Variants in GTPBP1 observed in about 807,000 individuals in gnomAD.
GTPBP1 encodes the protein GTP-binding protein 1.
GTPBP1 carries 23 observed loss-of-function variants against 62.0 expected under a neutral mutation model. The ratio of observed to expected loss-of-function variants is 0.37; its 90% CI spans 0.27 to 0.53. GTPBP1 has a LOEUF of 0.53. Among genes scored for constraint, GTPBP1 ranks in the 20% least tolerant of loss-of-function variants. GTPBP1 has a pLI of 0.89. For synonymous variants in GTPBP1, 344 were observed against 364.4 expected (o/e 0.94, Z 0.64); for missense variants, 640 against 917.3 (o/e 0.70, Z 3.90).
At chr22:38,722,827 A>G in intron 5 of GTPBP1, 1 of 1,576,404 alleles carries the variant, frequency 6.3e-7, no homozygotes, top group South Asian at 1.1e-5. Context: ...TTTGCTGGGC[A>G]GACTTCTCCA....
intron 4 of GTPBP1, among the ~76,000 whole-genome samples, chr22:38,718,167 C>G (rs2092680983): frequency 6.6e-6 from 1 of 152,178 alleles, no homozygotes; most frequent in South Asian, 2.1e-4. Context: ...CCATGACCAG[C>G]TTCTTGACTG....
chr22:38,715,639 G>A (rs2092665447), intron 2 of GTPBP1, among the ~76,000 whole-genome samples: 1 of 152,198 alleles, frequency 6.6e-6, no homozygotes, highest in South Asian at 2.1e-4. Context: ...TACCCAGCAT[G>A]AGGCTTGGCA....
At chr22:38,708,409 G>A (rs1400953781) in intron 1 of GTPBP1, among the ~76,000 whole-genome samples, 2 of 152,164 alleles carry the variant, frequency 1.3e-5, no homozygotes, top group African/African-American at 4.8e-5. Flanking sequence ...TGTTATCCTG[G>A]AAGCCACTGG....
At chr22:38,715,172 C>G (rs2092662496) in intron 2 of GTPBP1, among the ~76,000 whole-genome samples, 1 of 152,222 alleles carries the variant, frequency 6.6e-6, no homozygotes, top group Non-Finnish European at 1.5e-5. Flanking sequence ...ACACTTGGCA[C>G]TGCTACTCAG....
intron 2 of GTPBP1, among the ~76,000 whole-genome samples, chr22:38,714,140 G>C (rs561957114): frequency 1.3e-5 from 2 of 152,186 alleles, no homozygotes. Flanking sequence ...CAGCAGTATC[G>C]AATGCTGTAG....
intron 2 of GTPBP1, among the ~76,000 whole-genome samples, chr22:38,712,786 A>G (rs113776641): frequency 1.4e-3 from 217 of 152,206 alleles, no homozygotes; most frequent in Non-Finnish European, 2.7e-3. Flanking sequence ...GGTTGAATAG[A>G]ATTTAGCCAG....
At position 38,716,583 on chromosome 22, in the gene GTPBP1, T is replaced by G; in HGVS notation, c.486-69T>G. The stretch of plus-strand genomic sequence containing the variant: ...GGACTTGCGGATCCAATTACTGGGG[T>G]TATGATGGTCGCTCCACCTCACTCA... On this transcript the variant is annotated intron_variant, in intron 3 of 11. Coordinates refer to ENST00000216044, the MANE Select transcript of GTPBP1 (RefSeq NM_004286.5). This position sits in a 1 kb window ranked among gnomAD's most constrained non-coding sequence, Gnocchi z 5.2. 8.7e-7 allele frequency: 1 copy of G among 1,148,204 alleles called. No individual in the cohort carries two copies. The highest frequency in any genetic ancestry group is 1.3e-6 in the Non-Finnish European group (1 of 789,678). The allele number at this position is 1,148,204 out of a possible 1,614,324, so 71.1% of individuals were successfully genotyped here.
At chr22:38,706,208 C>G (rs1381832898) in intron 1 of GTPBP1, 61 bp downstream of exon 1, 2 of 1,071,966 alleles carry the variant, frequency 1.9e-6, no homozygotes, top group Non-Finnish European at 2.4e-6. Context: ...AGCAGTCTCC[C>G]GGGCGACGGC....
At chr22:38,722,707 C>T (rs888512086) in intron 5 of GTPBP1, 2 of 1,598,254 alleles carry the variant, frequency 1.3e-6, no homozygotes, top group Non-Finnish European at 1.7e-6. Flanking sequence ...TGTTTCTTCT[C>T]TGGGGTGAGA....
Position 38,716,113 on chromosome 22 carries a change from G to A in GTPBP1, c.485+26G>A, listed in dbSNP as rs779086869. ...GTGAGGAGGCCGCGGGACATTTTGG[G>A]GTCCCCATTCTTCACAGAGGTTGGT... On this transcript the variant is annotated intron_variant, in intron 3 of 11. Coordinates refer to ENST00000216044, the MANE Select transcript of GTPBP1 (RefSeq NM_004286.5). This position sits in a 1 kb window ranked among gnomAD's most constrained non-coding sequence, Gnocchi z 5.2. The A allele has an allele frequency of 6.5e-7, 1 of 1,547,362 alleles. No individual in the cohort carries two copies. The highest frequency in any genetic ancestry group is 1.2e-5 in the South Asian group (1 of 84,966).
At chr22:38,735,216 C>T (rs2092792494), downstream of GTPBP1, 2 of 455,910 alleles carry the variant, frequency 4.4e-6, no homozygotes, top group South Asian at 3.1e-5. Flanking sequence ...CACCAACTGC[C>T]CCACAGAGAA....
downstream of GTPBP1, chr22:38,734,473 T>C (rs1268609355): frequency 5.9e-6 from 2 of 336,392 alleles, no homozygotes; most frequent in Non-Finnish European, 1.2e-5. Context: ...CCCCACCCTT[T>C]GTGATGGGTT....
rs1011487725 is a variant in GTPBP1, at chr22:38,730,858, G to T, written c.*154G>T. ...GCCCCCACCCCCATTTTCCAGGGGGGTTGTAATTTATAAGCTGACGAAGGT... is the reference window on the plus strand; with the variant it reads ...GCCCCCACCCCCATTTTCCAGGGGGTTTGTAATTTATAAGCTGACGAAGGT... On this transcript the variant is annotated 3_prime_UTR_variant, in exon 12 of 12. Coordinates refer to ENST00000216044, the MANE Select transcript of GTPBP1 (RefSeq NM_004286.5). The surrounding 1 kb of genome is among the most constrained non-coding windows in gnomAD (Gnocchi z 5.6). 7.1e-6 allele frequency: 4 copies of T among 561,716 alleles called. No individual in the cohort carries two copies. The highest frequency in any genetic ancestry group is 5.9e-5 in the African/African-American group (3 of 50,970). 34.8% of individuals were successfully genotyped at this position (561,716 alleles called of 1,614,324 possible).
At chr22:38,741,039 A>C (rs1569297341), downstream of GTPBP1, 1 of 1,598,072 alleles carries the variant, frequency 6.3e-7, no homozygotes, top group East Asian at 2.3e-5. Context: ...GCTGGATGCG[A>C]GCCTCGGACT....
In GTPBP1 at chr22:38,726,600, G is replaced by A. The variant is rs1353141121; in HGVS notation, c.1401+160G>A. Among the ~76,000 whole-genome samples, 3 of 152,192 alleles carry A rather than the reference G, an allele frequency of 2.0e-5. No homozygotes were observed. The highest frequency in any genetic ancestry group is 4.8e-5 in the African/African-American group (2 of 41,440). On this transcript the variant is annotated intron_variant, in intron 8 of 11. Transcript: ENST00000216044. The surrounding 1 kb of genome is among the most constrained non-coding windows in gnomAD (Gnocchi z 4.1). ...AGGAAACTGAGGCTCAGAGCCCAGG[G>A]ACTTGCCCAAGACACACAGCTTGTA... is the stretch of plus-strand genomic sequence containing the variant.
downstream of GTPBP1, chr22:38,742,468 CCTT>C (rs1429605714): frequency 1.2e-6 from 2 of 1,613,706 alleles, no homozygotes; most frequent in Admixed American, 3.3e-5. Flanking sequence ...CGCATGGCCT[CCTT>C]CTGCCAGTTG....
intron 11 of GTPBP1, among the ~76,000 whole-genome samples, chr22:38,729,967 G>C (rs1335884821): frequency 6.6e-6 from 1 of 152,218 alleles, no homozygotes; most frequent in African/African-American, 2.4e-5. Flanking sequence ...ATTAAGTATT[G>C]CAAGTATTGC....
At chr22:38,706,820 G>A (rs1231793166) in intron 1 of GTPBP1, 1 of 152,234 alleles carries the variant, frequency 6.6e-6, no homozygotes, top group Non-Finnish European at 1.5e-5. Flanking sequence ...GAGCAGTGAA[G>A]GACGTTTAAA....
At position 38,727,842 on chromosome 22, in the gene GTPBP1, T is replaced by C; in HGVS notation, c.1538-141T>C. On this transcript the variant is annotated intron_variant, in intron 9 of 11. Coordinates refer to ENST00000216044, the MANE Select transcript of GTPBP1 (RefSeq NM_004286.5). The surrounding 1 kb of genome is among the most constrained non-coding windows in gnomAD (Gnocchi z 6.5). ...GGCAGGATCAGAGCCAAGAACAGGC[T>C]TCACGGGGGTCTGTAGCCCCAGAGA... 1.6e-6 allele frequency: 1 copy of C among 631,904 alleles called. No homozygotes were observed. 39.1% of individuals were successfully genotyped at this position (631,904 alleles called of 1,614,324 possible).
Sources: gnomAD v4.1 joint callset for allele counts (sites outside exome capture counted in the v4.1 genomes callset) on GRCh38, gnomAD v4.1.1 for gene constraint, Gnocchi (gnomAD v3.1) non-coding constraint, MANE v1.5 for transcripts, NCBI Gene and HGNC (gene_info 2026-07-23, HGNC 2026-07-21) for gene names.